The following ANKRD30BL variants were observed in gnomAD, a reference collection of about 807,000 sequenced individuals.
ANKRD30BL encodes the protein ankyrin repeat domain 30B like, also known as putative ankyrin repeat domain-containing protein 30B-like.
In ANKRD30BL, 20 loss-of-function variants were observed where a neutral mutation model predicts 18.4. That is an observed-to-expected ratio of 1.09 (90% CI 0.77 to 1.58). The LOEUF is 1.58. ANKRD30BL is among the 40% of genes most tolerant of loss of function. ANKRD30BL has a pLI of 0.00. For synonymous variants in ANKRD30BL, 72 were observed against 100.9 expected, an observed-to-expected ratio of 0.71 and a Z score of 1.72; for missense variants, 224 against 268.6, an observed-to-expected ratio of 0.83 and a Z score of 1.16.
At chr2:132,155,370 C>T (rs1462270030) in intron 3 of ANKRD30BL, 2 of 151,648 alleles carry the variant, frequency 1.3e-5, no homozygotes, top group African/African-American at 4.9e-5. Flanking sequence ...TTGAAAGCTT[C>T]CCCCCAAAAA....
chr2:132,199,341 A>G (rs2104745750), intron 1 of ANKRD30BL, among the ~76,000 whole-genome samples: 1 of 152,274 alleles, frequency 6.6e-6, no homozygotes, highest in South Asian at 2.1e-4. Context: ...GCCTGGAGAC[A>G]CAGCAAGACT....
intron 1 of ANKRD30BL, among the ~76,000 whole-genome samples, chr2:132,217,154 A>C (rs1679528170): frequency 6.6e-6 from 1 of 152,140 alleles, no homozygotes; most frequent in Admixed American, 6.6e-5. Flanking sequence ...CATTCCACTC[A>C]CAGAGTTGGA....
At chr2:132,222,535 C>T (rs1033068605) in intron 1 of ANKRD30BL, among the ~76,000 whole-genome samples, 1 of 152,026 alleles carries the variant, frequency 6.6e-6, no homozygotes, top group African/African-American at 2.4e-5. Flanking sequence ...TGTGACCTTA[C>T]CCCCAACCCT....
rs1418505571 is a variant in ANKRD30BL at position 132,148,050 on chromosome 2, C to T, written c.*81G>A. 9.6e-7 allele frequency: 1 copy of T among 1,037,360 alleles called. No homozygotes were observed. Among genetic ancestry groups the T allele is most frequent in the African/African-American group, 1.6e-5 (1 of 63,098 alleles). 64.3% of individuals were successfully genotyped at this position (1,037,360 alleles called of 1,614,324 possible). On this transcript the variant is annotated 3_prime_UTR_variant, in exon 6 of 6. Coordinates refer to ENST00000409867, the MANE Select transcript of ANKRD30BL (RefSeq NM_001358416.1). Reference sequence around the variant, plus strand: ...TTGTTCTTTGATGAGGAACTCAGAACTCATTGTACTTAATCTTCCCCCTCT... The same window carrying T: ...TTGTTCTTTGATGAGGAACTCAGAATTCATTGTACTTAATCTTCCCCCTCT...
At chr2:132,201,882 G>C (rs1444899146) in intron 1 of ANKRD30BL, among the ~76,000 whole-genome samples, 1 of 152,118 alleles carries the variant, frequency 6.6e-6, no homozygotes, top group African/African-American at 2.4e-5. Flanking sequence ...GCAAAGACTT[G>C]GAACCAACCC....
Position 132,168,976 on chromosome 2 carries a change from G to A in ANKRD30BL, n.442-11830C>T, listed in dbSNP as rs1052424439. 1.2e-3 allele frequency among the ~76,000 whole-genome samples: 176 copies of A among 151,912 alleles called. 1 individual carries two copies. The highest frequency in any genetic ancestry group is 2.2e-3 in the Non-Finnish European group (147 of 67,944). ...TAACAATTATGATATCTTTTTCTAT[G>A]CTTATTTTAGAATATTGTATTGTCA... is the stretch of plus-strand genomic sequence containing the variant. On this transcript the variant is annotated intron_variant and non_coding_transcript_variant, in intron 1 of 4. Coordinates refer to the ANKRD30BL transcript ENST00000470729.
intron 1 of ANKRD30BL, among the ~76,000 whole-genome samples, chr2:132,224,192 A>C (rs1426828816): frequency 6.6e-6 from 1 of 152,102 alleles, no homozygotes; most frequent in Non-Finnish European, 1.5e-5. Context: ...TGTGCATTCA[A>C]CTCACAGAGA....
chr2:132,211,573 A>C (rs1357724621), intron 1 of ANKRD30BL, among the ~76,000 whole-genome samples: 4 of 151,890 alleles, frequency 2.6e-5, no homozygotes, highest in Non-Finnish European at 5.9e-5. Context: ...ATCTTCACAT[A>C]ACAACTAGAC....
At chr2:132,238,560 G>A (rs1680225377) in intron 1 of ANKRD30BL, among the ~76,000 whole-genome samples, 1 of 151,842 alleles carries the variant, frequency 6.6e-6, no homozygotes. Flanking sequence ...TCTTTTTGTA[G>A]AATCTGTAAG....
At chr2:132,199,089 C>T (rs1017676506) in intron 1 of ANKRD30BL, among the ~76,000 whole-genome samples, 3 of 152,108 alleles carry the variant, frequency 2.0e-5, no homozygotes, top group Non-Finnish European at 4.4e-5. Context: ...CAGTGGCTCA[C>T]GCCTGTAATC....
chr2:132,246,048 A>C (rs1343335573), intron 1 of ANKRD30BL, among the ~76,000 whole-genome samples: 3 of 151,622 alleles, frequency 2.0e-5, no homozygotes, highest in Admixed American at 6.6e-5. Context: ...TTGATACAGC[A>C]GTTTTGAAAC....
At chr2:132,232,233 G>A (rs1680042044) in intron 1 of ANKRD30BL, among the ~76,000 whole-genome samples, 1 of 152,154 alleles carries the variant, frequency 6.6e-6, no homozygotes, top group Non-Finnish European at 1.5e-5. Flanking sequence ...CAAAGATGGG[G>A]AAAAAACAGA....
intron 1 of ANKRD30BL, among the ~76,000 whole-genome samples, chr2:132,178,706 T>C (rs1311317716): frequency 6.6e-6 from 1 of 152,072 alleles, no homozygotes; most frequent in Non-Finnish European, 1.5e-5. Context: ...ATGTAGAAAA[T>C]ATTTTAAGAA....
chr2:132,248,310 A>G (rs977918518), intron 1 of ANKRD30BL, among the ~76,000 whole-genome samples: 4 of 151,982 alleles, frequency 2.6e-5, no homozygotes, highest in Non-Finnish European at 5.9e-5. Flanking sequence ...CACTCCAAAC[A>G]TCCATTTGCA....
In ANKRD30BL at chr2:132,210,654, G is replaced by A. The variant is rs564031550; in HGVS notation, n.441+46875C>T. Among the ~76,000 whole-genome samples the A allele has an allele frequency of 8.0e-3, 1,212 of 151,420 alleles. 11 individuals carry two copies. The highest frequency in any genetic ancestry group is 0.027 in the African/African-American group (1,129 of 41,238). On this transcript the variant is annotated intron_variant and non_coding_transcript_variant, in intron 1 of 4. Coordinates refer to the ANKRD30BL transcript ENST00000470729. ...GCAGATTTGAAGCACACTTTTTGTG[G>A]AATGAGCAAGTGGATATTTGGAGGG...
At chr2:132,256,496 C>A (rs1316649538) in intron 1 of ANKRD30BL, among the ~76,000 whole-genome samples, 1 of 152,234 alleles carries the variant, frequency 6.6e-6, no homozygotes, top group Non-Finnish European at 1.5e-5. Context: ...GCGGCCCCGA[C>A]GTTTGGGCAG....
intron 1 of ANKRD30BL, among the ~76,000 whole-genome samples, chr2:132,180,586 C>G (rs1377930142): frequency 6.6e-6 from 1 of 152,034 alleles, no homozygotes; most frequent in African/African-American, 2.4e-5. Context: ...TCACTACAAT[C>G]TTACCCAGAG....
intron 1 of ANKRD30BL, among the ~76,000 whole-genome samples, chr2:132,167,290 ATTTTATTTTATTT>A (rs1688205251): frequency 2.5e-5 from 2 of 81,530 alleles, no homozygotes; most frequent in African/African-American, 1.7e-4. Flanking sequence ...ATTTTATTTT[ATTTTATTTTATTT>A]TATTTTATTT....
At chr2:132,224,296 G>C (rs1037914603) in intron 1 of ANKRD30BL, among the ~76,000 whole-genome samples, 1 of 152,058 alleles carries the variant, frequency 6.6e-6, no homozygotes, top group Non-Finnish European at 1.5e-5. Context: ...TTGTGGAAAA[G>C]GAAATATCTT....
Sources: allele counts gnomAD v4.1 joint callset (sites outside exome capture counted in the v4.1 genomes callset), GRCh38; gene constraint gnomAD v4.1.1; transcripts MANE v1.5; gene names NCBI Gene and HGNC (gene_info 2026-07-23, HGNC 2026-07-21).